Variants in ADAMTSL1 observed in about 807,000 individuals in gnomAD.
ADAMTSL1 encodes the protein ADAMTS-like protein 1.
A neutral mutation model predicts 201.8 loss-of-function variants in ADAMTSL1; 126 were observed. The ratio of observed to expected loss-of-function variants is 0.62; its 90% CI spans 0.54 to 0.72. The LOEUF (loss-of-function observed/expected upper bound fraction) is 0.72, where lower values mean the gene tolerates loss of function less well. Among genes scored for constraint, ADAMTSL1 ranks in the 30% least tolerant of loss-of-function variants. The pLI is 0.00. For synonymous variants in ADAMTSL1, 1,121 were observed against 903.4 expected (o/e 1.24, Z -4.32); for missense variants, 2,679 against 2,277.8 (o/e 1.18, Z -3.59).
intron 1 of ADAMTSL1, among the ~76,000 whole-genome samples, chr9:18,013,390 A>G (rs1301774420): frequency 6.6e-6 from 1 of 152,020 alleles, no homozygotes; most frequent in Non-Finnish European, 1.5e-5. Context: ...CAGACTGATC[A>G]TGGTCGAGAG....
Position 18,681,857 on chromosome 9 carries a change from T to C in ADAMTSL1, c.1387T>C (p.Cys463Arg), listed in dbSNP as rs1302279572. The C allele has an allele frequency of 6.2e-7, 1 of 1,614,038 alleles. No homozygotes were observed. Among genetic ancestry groups the C allele is most frequent in the Admixed American group, 1.7e-5 (1 of 60,020 alleles). The change falls in exon 12 of 29, where the codon TGC becomes CGC. Residue 463 changes from cysteine to arginine, a missense_variant. Cys to Arg is a radical substitution (Grantham distance 180, BLOSUM62 -3). Coordinates refer to ENST00000380548, the MANE Select transcript of ADAMTSL1 (RefSeq NM_001040272.6). ...GQGLRYRVVL[C>R]IDHRGMHTGG... ...GGGCCTCAGATACCGTGTGGTCCTC[T>C]GCATCGACCATCGAGGAATGCACAC...
chr9:18,845,840 CA>C (rs1826072099), intron 23 of ADAMTSL1, among the ~76,000 whole-genome samples: 2 of 152,184 alleles, frequency 1.3e-5, no homozygotes, highest in Non-Finnish European at 2.9e-5. Context: ...GTTTGGAATA[CA>C]GGACCCAGGC....
At chr9:18,187,972 A>C (rs1447372118) in intron 2 of ADAMTSL1, among the ~76,000 whole-genome samples, 1 of 152,180 alleles carries the variant, frequency 6.6e-6, no homozygotes, top group African/African-American at 2.4e-5. Context: ...AAATTTAAGA[A>C]CATGAGGTTT....
rs1209853193 is a variant in ADAMTSL1, at chr9:18,145,991, C to T, written c.88-17871C>T. ...AATAACCATATGAACAGATGTTCAA[C>T]ATAATCTATCACTAGGAAAATGCAA... On this transcript the variant is annotated intron_variant, in intron 1 of 29. Transcript: ENST00000680146. Among the ~76,000 whole-genome samples the T allele has an allele frequency of 2.0e-5, 3 of 152,106 alleles. No homozygotes were observed. In the East Asian group the frequency reaches 5.8e-4, roughly 29 times the overall value.
chr9:17,985,662 A>G (rs1183546705), intron 1 of ADAMTSL1, among the ~76,000 whole-genome samples: 1 of 152,142 alleles, frequency 6.6e-6, no homozygotes, highest in African/African-American at 2.4e-5. Context: ...TGCATATATT[A>G]CATAATTATA....
At chr9:18,697,991 A>G (rs117536572) in intron 13 of ADAMTSL1, among the ~76,000 whole-genome samples, 2,006 of 152,330 alleles carry the variant, frequency 0.013, 23 homozygotes, top group Non-Finnish European at 0.02. Context: ...CAGTTTCCTC[A>G]TCGGTCTATT....
chr9:18,841,132 C>T (rs953651934), intron 23 of ADAMTSL1, among the ~76,000 whole-genome samples: 3 of 151,612 alleles, frequency 2.0e-5, no homozygotes, highest in Non-Finnish European at 4.4e-5. Flanking sequence ...AAAGGGAATG[C>T]TTCCAGTTTT....
rs556530025 is a variant in ADAMTSL1 at position 17,952,207 on chromosome 9, G to C, written c.87+45285G>C. ...GAGCTCAAGCAATCCTCCTGCCTCA[G>C]CCACCCAAAGTGCTGGGATTACAGG... On this transcript the variant is annotated intron_variant, in intron 1 of 29. Coordinates refer to the ADAMTSL1 transcript ENST00000680146. Among the ~76,000 whole-genome samples, 4 of 150,868 alleles carry C rather than the reference G, an allele frequency of 2.7e-5. No homozygotes were observed. In the East Asian group the frequency reaches 7.8e-4, roughly 30 times the overall value.
At chr9:18,528,319 A>G (rs1031326685) in intron 2 of ADAMTSL1, among the ~76,000 whole-genome samples, 1 of 152,080 alleles carries the variant, frequency 6.6e-6, no homozygotes, top group Non-Finnish European at 1.5e-5. Flanking sequence ...CCCAGCATTC[A>G]TTAGCTATTC....
intron 1 of ADAMTSL1, among the ~76,000 whole-genome samples, chr9:17,969,566 A>G (rs1034606198): frequency 6.6e-6 from 1 of 152,102 alleles, no homozygotes; most frequent in Non-Finnish European, 1.5e-5. Flanking sequence ...CATAACTAAG[A>G]AAATGATCAC....
At chr9:18,853,914 T>TGC (rs1554648761) in intron 23 of ADAMTSL1, among the ~76,000 whole-genome samples, 2 of 124,372 alleles carry the variant, frequency 1.6e-5, no homozygotes, top group Middle Eastern at 3.8e-3. Context: ...TGTGTGTGTG[T>TGC]GTGTGCGCGT....
chr9:18,415,360 A>G (rs2133333972), intron 2 of ADAMTSL1, among the ~76,000 whole-genome samples: 1 of 152,298 alleles, frequency 6.6e-6, no homozygotes, highest in Middle Eastern at 3.4e-3. Flanking sequence ...GTATTTTTAA[A>G]AAACAACAAA....
At chr9:18,590,567 G>A (rs1823842425) in intron 4 of ADAMTSL1, among the ~76,000 whole-genome samples, 1 of 151,606 alleles carries the variant, frequency 6.6e-6, no homozygotes, top group South Asian at 2.1e-4. Context: ...TTAGGGTTTA[G>A]TTTGTTCTTT....
intron 26 of ADAMTSL1, among the ~76,000 whole-genome samples, chr9:18,895,921 T>G (rs77370924): frequency 6.1e-4 from 93 of 152,268 alleles, no homozygotes; most frequent in African/African-American, 2.2e-3. Flanking sequence ...AAAACAACTA[T>G]CTTAAATATG....
intron 1 of ADAMTSL1, among the ~76,000 whole-genome samples, chr9:17,934,670 A>T (rs925007033): frequency 1.3e-5 from 2 of 152,024 alleles, no homozygotes; most frequent in Non-Finnish European, 2.9e-5. Context: ...TATCCCTCAT[A>T]GCTTCTTATT....
At chr9:18,859,834 A>T (rs1487947617) in intron 23 of ADAMTSL1, among the ~76,000 whole-genome samples, 2 of 150,088 alleles carry the variant, frequency 1.3e-5, no homozygotes, top group East Asian at 3.9e-4. Context: ...AATGGTGCTG[A>T]TTTTTTTTTT....
intron 1 of ADAMTSL1, among the ~76,000 whole-genome samples, chr9:17,983,627 T>C (rs1181360444): frequency 6.6e-6 from 1 of 152,204 alleles, no homozygotes; most frequent in Non-Finnish European, 1.5e-5. Context: ...CAATTTAAAA[T>C]GTGTAAATAG....
intron 2 of ADAMTSL1, among the ~76,000 whole-genome samples, chr9:18,336,273 T>A (rs893303491): frequency 6.6e-6 from 1 of 150,770 alleles, no homozygotes; most frequent in Non-Finnish European, 1.5e-5. Context: ...CTTATGTTCC[T>A]TAAACATTTT....
At chr9:18,737,319 C>CA (rs59511409) in intron 15 of ADAMTSL1, among the ~76,000 whole-genome samples, 1,706 of 53,142 alleles carry the variant, frequency 0.032, 82 homozygotes, top group African/African-American at 0.077. Context: ...AACTCTGTCT[C>CA]AAAAAAAAAA....
Sources: gnomAD v4.1 joint callset for allele counts (sites outside exome capture counted in the v4.1 genomes callset) on GRCh38, gnomAD v4.1.1 for gene constraint, MANE v1.5 for transcripts, NCBI Gene and HGNC (gene_info 2026-07-23, HGNC 2026-07-21) for gene names.